ULK4: variants seen among roughly 807,000 people sequenced by gnomAD.
The protein encoded by ULK4 is inactive serine/threonine-protein kinase ULK4.
In ULK4, 133 loss-of-function variants were observed where a neutral mutation model predicts 160.6. The ratio of observed to expected loss-of-function variants is 0.83; its 90% confidence interval spans 0.72 to 0.96. ULK4 has a LOEUF of 0.96. Ranked by LOEUF, ULK4 falls within the 40% of genes least tolerant of loss-of-function variation. The pLI is 0.00. For synonymous variants in ULK4, 534 were observed against 539.8 expected (o/e 0.99, Z 0.15); for missense variants, 1,580 against 1,499.5 (o/e 1.05, Z -0.89).
chr3:41,834,349 A>G (rs964762470), intron 18 of ULK4, among the ~76,000 whole-genome samples: 3 of 152,198 alleles, frequency 2.0e-5, no homozygotes, highest in South Asian at 2.1e-4. Context: ...AAAGATATCA[A>G]TACTTTCCCA....
intron 30 of ULK4, among the ~76,000 whole-genome samples, chr3:41,636,712 C>T (rs2033965229): frequency 6.6e-6 from 1 of 151,848 alleles, no homozygotes; most frequent in South Asian, 2.1e-4. Context: ...CCCATTAACT[C>T]GTCATTTAGC....
At chr3:41,597,789 A>G (rs1484142593) in intron 31 of ULK4, among the ~76,000 whole-genome samples, 1 of 152,216 alleles carries the variant, frequency 6.6e-6, no homozygotes. Flanking sequence ...GCTTCTCAAA[A>G]CACAAACTTA....
chr3:41,350,424 A>G (rs2080886667), intron 35 of ULK4, among the ~76,000 whole-genome samples: 1 of 152,230 alleles, frequency 6.6e-6, no homozygotes, highest in Non-Finnish European at 1.5e-5. Flanking sequence ...AAAGAATTAT[A>G]TATCTTTTGC....
intron 35 of ULK4, among the ~76,000 whole-genome samples, chr3:41,376,506 G>A (rs2081499615): frequency 6.7e-6 from 1 of 149,924 alleles, no homozygotes; most frequent in Admixed American, 6.6e-5. Flanking sequence ...TCCTTAAGCT[G>A]ATAAGCAATT....
At chr3:41,323,994 T>C (rs1240634178) in intron 35 of ULK4, among the ~76,000 whole-genome samples, 1 of 152,196 alleles carries the variant, frequency 6.6e-6, no homozygotes, top group Non-Finnish European at 1.5e-5. Context: ...AGCATTTCTG[T>C]TATTTCACTT....
intron 34 of ULK4, among the ~76,000 whole-genome samples, chr3:41,450,023 C>A (rs1371732133): frequency 2.7e-5 from 4 of 150,832 alleles, no homozygotes; most frequent in Non-Finnish European, 5.9e-5. Context: ...ATACTGGCAC[C>A]TTTGATATAT....
At chr3:41,283,965 A>AACAT (rs2079412222) in intron 35 of ULK4, among the ~76,000 whole-genome samples, 1 of 150,330 alleles carries the variant, frequency 6.7e-6, no homozygotes, top group African/African-American at 2.5e-5. Context: ...ATAGCTGCCA[A>AACAT]AAATAAATAA....
intron 30 of ULK4, among the ~76,000 whole-genome samples, chr3:41,634,097 TG>T (rs1408617474): frequency 2.0e-5 from 3 of 152,212 alleles, no homozygotes; most frequent in Admixed American, 6.5e-5. Context: ...GAAAGGGAGC[TG>T]GGATGTGGCT....
intron 21 of ULK4, among the ~76,000 whole-genome samples, chr3:41,788,475 G>A (rs2040057253): frequency 1.3e-5 from 2 of 152,074 alleles, no homozygotes; most frequent in African/African-American, 4.8e-5. Flanking sequence ...ACAAGTTCAG[G>A]AGATCGAGAC....
At chr3:41,277,414 G>C (rs1020433806) in intron 35 of ULK4, among the ~76,000 whole-genome samples, 1 of 152,164 alleles carries the variant, frequency 6.6e-6, no homozygotes, top group East Asian at 1.9e-4. Context: ...GATCAAGTGG[G>C]TTTCATATTA....
intron 12 of ULK4, among the ~76,000 whole-genome samples, chr3:41,904,113 T>C (rs1698469996): frequency 6.6e-6 from 1 of 152,088 alleles, no homozygotes; most frequent in South Asian, 2.1e-4. Flanking sequence ...TGTTTTGTAA[T>C]AGAATAAAAA....
intron 35 of ULK4, among the ~76,000 whole-genome samples, chr3:41,278,742 T>C (rs2079281267): frequency 6.6e-6 from 1 of 151,738 alleles, no homozygotes; most frequent in South Asian, 2.1e-4. Flanking sequence ...CAGAAAAAAA[T>C]AGCATCAACA....
At chr3:41,559,523 C>T (rs62256901) in intron 32 of ULK4, among the ~76,000 whole-genome samples, 41,229 of 121,826 alleles carry the variant, frequency 0.34, 6,112 homozygotes, top group African/African-American at 0.39. Flanking sequence ...TTCTCCACAT[C>T]CTCTCCAGCA....
intron 32 of ULK4, among the ~76,000 whole-genome samples, chr3:41,495,123 GTCA>G (rs2084938968): frequency 6.6e-6 from 1 of 152,182 alleles, no homozygotes; most frequent in East Asian, 1.9e-4. Context: ...GCATCACCAA[GTCA>G]ATGCTAAGCC....
At chr3:41,436,547 A>C (rs924378596) in intron 34 of ULK4, among the ~76,000 whole-genome samples, 2 of 152,184 alleles carry the variant, frequency 1.3e-5, no homozygotes, top group African/African-American at 4.8e-5. Flanking sequence ...ACTGTCTTGT[A>C]GGCAGAAAAC....
At chr3:41,679,664 T>C (rs2035856578) in intron 29 of ULK4, among the ~76,000 whole-genome samples, 1 of 152,214 alleles carries the variant, frequency 6.6e-6, no homozygotes, top group South Asian at 2.1e-4. Flanking sequence ...GAGTTAACAC[T>C]TTTTATTTCA....
intron 19 of ULK4, among the ~76,000 whole-genome samples, chr3:41,810,042 T>C (rs1189461350): frequency 2.6e-5 from 4 of 152,240 alleles, no homozygotes; most frequent in Non-Finnish European, 5.9e-5. Context: ...TGTTTATTAC[T>C]TAACTTAGCT....
intron 34 of ULK4, among the ~76,000 whole-genome samples, chr3:41,451,772 A>G (rs1056912951): frequency 1.3e-5 from 2 of 152,162 alleles, no homozygotes; most frequent in Non-Finnish European, 2.9e-5. Flanking sequence ...TATAAGGTTG[A>G]ACCAAATGAA....
intron 2 of ULK4, among the ~76,000 whole-genome samples, chr3:41,952,455 A>G (rs1700323104): frequency 6.6e-6 from 1 of 152,210 alleles, no homozygotes; most frequent in African/African-American, 2.4e-5. Flanking sequence ...GTCTATAAGC[A>G]TATGAAAAGA....
Sources: allele counts gnomAD v4.1 joint callset (sites outside exome capture counted in the v4.1 genomes callset), GRCh38; gene constraint gnomAD v4.1.1; transcripts MANE v1.5; gene names NCBI Gene and HGNC (gene_info 2026-07-23, HGNC 2026-07-21).